Variants in MKLN1 observed in about 807,000 individuals in gnomAD.
The protein encoded by MKLN1 is muskelin 1.
In MKLN1, 18 loss-of-function variants were observed where a neutral mutation model predicts 99.0. The observed-to-expected ratio is 0.18, with a 90% CI of 0.13 to 0.27. The LOEUF is 0.27. MKLN1 is among the 10% of genes least tolerant of loss of function. The pLI, the probability that MKLN1 is intolerant of heterozygous loss-of-function variation, is 1.00. For missense variants in MKLN1, 621 were observed against 875.9 expected (o/e 0.71, Z 3.67); for synonymous variants, 288 against 293.2 (o/e 0.98, Z 0.18).
chr7:131,473,520 AT>A (rs1796885447), intron 16 of MKLN1, among the ~76,000 whole-genome samples: 1 of 152,218 alleles, frequency 6.6e-6, no homozygotes, highest in Non-Finnish European at 1.5e-5. Context: ...AATAAATCTT[AT>A]AAAAAATGAT....
chr7:131,328,247 G>C (rs987349803), intron 1 of MKLN1: 7 of 505,630 alleles, frequency 1.4e-5, no homozygotes, highest in African/African-American at 1.2e-4. Flanking sequence ...GCGCACAGGA[G>C]AACCGGAAGC....
chr7:131,200,020 C>CT (rs912684523), intron 2 of MKLN1, among the ~76,000 whole-genome samples: 2 of 151,772 alleles, frequency 1.3e-5, no homozygotes, highest in Admixed American at 6.6e-5. Context: ...AAATGTGTTG[C>CT]TTTTTTTTGA....
intron 14 of MKLN1, among the ~76,000 whole-genome samples, chr7:131,464,685 ATTG>A (rs1158232315): frequency 1.3e-5 from 2 of 152,158 alleles, no homozygotes; most frequent in Non-Finnish European, 2.9e-5. Context: ...GACATAGCCT[ATTG>A]TTTCTACAAT....
At chr7:131,405,270 C>G (rs527519004) in intron 6 of MKLN1, among the ~76,000 whole-genome samples, 51 of 150,986 alleles carry the variant, frequency 3.4e-4, no homozygotes, top group African/African-American at 1.2e-3. Flanking sequence ...GTGCACTAGT[C>G]TCTTGAGAGA....
intron 1 of MKLN1, among the ~76,000 whole-genome samples, chr7:131,347,953 T>C (rs1432042222): frequency 6.6e-6 from 1 of 152,210 alleles, no homozygotes; most frequent in Non-Finnish European, 1.5e-5. Flanking sequence ...CATAGTATAG[T>C]AACAAACTAA....
At chr7:131,448,595 A>G (rs565941428) in intron 12 of MKLN1, among the ~76,000 whole-genome samples, 76 of 152,328 alleles carry the variant, frequency 5.0e-4, no homozygotes, top group African/African-American at 1.4e-3. Flanking sequence ...ATAAAAGTTG[A>G]TACAAGTTTG....
rs1305130114 is a variant in MKLN1, at chr7:131,487,282, A to G, written c.2087-325A>G. On this transcript the variant is annotated intron_variant, in intron 17 of 17. Transcript: ENST00000352689. This position sits in a 1 kb window ranked among gnomAD's most constrained non-coding sequence, Gnocchi z 4.7. ...AATAAGGAAAAAAAGAGAGATCAGT[A>G]TTATTTGTAACTAAAGTGCCAGTCC... Among the ~76,000 whole-genome samples the G allele has an allele frequency of 6.6e-6, 1 of 152,180 alleles. No individual in the cohort carries two copies. Among genetic ancestry groups the G allele is most frequent in the Non-Finnish European group, 1.5e-5 (1 of 68,008 alleles).
intron 2 of MKLN1, among the ~76,000 whole-genome samples, chr7:131,198,939 A>G (rs950048712): frequency 2.0e-5 from 3 of 152,192 alleles, no homozygotes; most frequent in African/African-American, 7.2e-5. Context: ...GCCTGATCGT[A>G]TTGTTGATGG....
At chr7:131,244,827 C>T (rs1028234674) in intron 3 of MKLN1, among the ~76,000 whole-genome samples, 1 of 152,068 alleles carries the variant, frequency 6.6e-6, no homozygotes, top group African/African-American at 2.4e-5. Flanking sequence ...TTCATCCGCC[C>T]CTCCTCTGCA....
chr7:131,263,845 C>A (rs1797770272), intron 3 of MKLN1, among the ~76,000 whole-genome samples: 1 of 152,192 alleles, frequency 6.6e-6, no homozygotes, highest in East Asian at 1.9e-4. Context: ...GCTGGGATTA[C>A]AGGTGTGAGC....
chr7:131,380,086 G>A (rs1793798021), intron 2 of MKLN1, among the ~76,000 whole-genome samples: 1 of 152,124 alleles, frequency 6.6e-6, no homozygotes, highest in Non-Finnish European at 1.5e-5. Flanking sequence ...CTGAAGCTAT[G>A]TCTGAAGAGT....
Position 131,399,438 on chromosome 7 carries a change from G to T in MKLN1, c.703+5G>T, listed in dbSNP as rs1219669149. The T allele has an allele frequency of 1.9e-6, 3 of 1,612,196 alleles. No homozygotes were observed. In the Admixed American group the frequency reaches 5.0e-5, roughly 27 times the overall value. On this transcript the variant is annotated splice_donor_5th_base_variant and intron_variant, in intron 6 of 17. Coordinates refer to ENST00000352689, the MANE Select transcript of MKLN1 (RefSeq NM_013255.5). ...TGATTGAAAAGGCTGTAAATGGTAT[G>T]AAACTTAGATTGGTTATTAGGGTAA...
intron 8 of MKLN1, among the ~76,000 whole-genome samples, chr7:131,422,265 T>C (rs1233225813): frequency 6.6e-6 from 1 of 152,190 alleles, no homozygotes; most frequent in Non-Finnish European, 1.5e-5. Context: ...TTAAGAACAC[T>C]GGCCAGACAT....
intron 3 of MKLN1, among the ~76,000 whole-genome samples, chr7:131,272,976 AT>A (rs1449173302): frequency 1.3e-5 from 2 of 152,214 alleles, no homozygotes; most frequent in Non-Finnish European, 2.9e-5. Context: ...ATTTCCCTTA[AT>A]TGTCTTCAAA....
chr7:131,208,449 G>T (rs1230839047), intron 3 of MKLN1, among the ~76,000 whole-genome samples: 3 of 152,112 alleles, frequency 2.0e-5, no homozygotes, highest in Admixed American at 2.0e-4. Flanking sequence ...ATAAACAATA[G>T]CTGGGTGTGG....
At chr7:131,438,057 A>T in intron 10 of MKLN1, 60 bp downstream of exon 10, 1 of 1,308,610 alleles carries the variant, frequency 7.6e-7, no homozygotes, top group Non-Finnish European at 1.1e-6. Context: ...TCTTGCAATT[A>T]GAGTTTATGT....
intron 12 of MKLN1, among the ~76,000 whole-genome samples, chr7:131,448,915 G>T (rs1396408098): frequency 6.6e-6 from 1 of 152,086 alleles, no homozygotes; most frequent in Non-Finnish European, 1.5e-5. Context: ...TCTTCTGTAG[G>T]CCCAAGATTA....
intron 3 of MKLN1, among the ~76,000 whole-genome samples, chr7:131,263,890 G>T (rs1278143341): frequency 1.3e-5 from 2 of 152,096 alleles, no homozygotes; most frequent in Middle Eastern, 3.2e-3. Flanking sequence ...TTCAAGAAAT[G>T]GTTGTCCCCA....
chr7:131,284,861 A>C (rs1394758075), intron 3 of MKLN1, among the ~76,000 whole-genome samples: 3 of 152,212 alleles, frequency 2.0e-5, no homozygotes, highest in African/African-American at 4.8e-5. Flanking sequence ...TGATGCATGA[A>C]AACAAAAGGC....
Sources: allele counts gnomAD v4.1 joint callset (sites outside exome capture counted in the v4.1 genomes callset), GRCh38; gene constraint gnomAD v4.1.1; non-coding constraint Gnocchi (gnomAD v3.1); transcripts MANE v1.5; gene names NCBI Gene and HGNC (gene_info 2026-07-23, HGNC 2026-07-21).